ARHGAP26: variants seen among roughly 807,000 people sequenced by gnomAD.
The protein encoded by ARHGAP26 is rho GTPase-activating protein 26.
Under a neutral mutation model 104.8 loss-of-function variants are expected in ARHGAP26, and 38 were observed. The observed-to-expected ratio is 0.36, with a 90% confidence interval of 0.28 to 0.48. The LOEUF (loss-of-function observed/expected upper bound fraction) is 0.48. ARHGAP26 is among the 20% of genes least tolerant of loss of function. The pLI, the probability that ARHGAP26 is intolerant of heterozygous loss-of-function variation, is 0.99. For synonymous variants in ARHGAP26, 341 were observed against 340.0 expected, an observed-to-expected ratio of 1.00 and a Z score of -0.03; for missense variants, 704 against 947.9, an observed-to-expected ratio of 0.74 and a Z score of 3.38.
chr5:142,805,167 A>G (rs1597698115), intron 1 of ARHGAP26, among the ~76,000 whole-genome samples: 2 of 149,712 alleles, frequency 1.3e-5, no homozygotes, highest in East Asian at 2.0e-4. Context: ...CAGTGGCGCA[A>G]TCTCGGCTCA....
chr5:142,974,951 G>C (rs999123669), intron 11 of ARHGAP26, among the ~76,000 whole-genome samples: 1 of 152,058 alleles, frequency 6.6e-6, no homozygotes, highest in Admixed American at 6.6e-5. Context: ...GTGGGAAATG[G>C]CTTTTTCCAT....
At chr5:142,910,078 A>G (rs984513175) in intron 9 of ARHGAP26, among the ~76,000 whole-genome samples, 3 of 152,218 alleles carry the variant, frequency 2.0e-5, no homozygotes, top group African/African-American at 7.2e-5. Context: ...TGGGTGCTAT[A>G]TTAGGACCTT....
chr5:142,797,669 G>C (rs751985339), intron 1 of ARHGAP26, among the ~76,000 whole-genome samples: 1 of 152,166 alleles, frequency 6.6e-6, no homozygotes, highest in Admixed American at 6.5e-5. Context: ...AGCAACCCTC[G>C]TCTGTGATTC....
Position 142,894,339 on chromosome 5 carries a change from T to C in ARHGAP26, c.588T>C (p.Phe196=). 1 of 1,613,492 alleles carries C rather than the reference T, an allele frequency of 6.2e-7. No individual in the cohort carries two copies. Among genetic ancestry groups the C allele is most frequent in the South Asian group, 1.1e-5 (1 of 91,038 alleles). ...QEVQERKMFE[F]VEPLLAFLQG... is the part of the protein sequence containing the mutation. ...TCCAAGAGAGAAAGATGTTTGAGTT[T>C]GTGGAGCCTGTAAGTAGATATTCAG... Residue 196 remains phenylalanine (F), a synonymous_variant, in exon 6 of 23, where the codon TTT becomes TTC. Coordinates refer to ENST00000645722, the MANE Select transcript of ARHGAP26 (RefSeq NM_001135608.3).
intron 17 of ARHGAP26, among the ~76,000 whole-genome samples, chr5:143,060,489 A>C (rs1032022604): frequency 6.6e-6 from 1 of 152,176 alleles, no homozygotes; most frequent in African/African-American, 2.4e-5. Flanking sequence ...AAACCTCTAA[A>C]GCAAATGATT....
rs185379762 is a variant in ARHGAP26 at position 143,094,595 on chromosome 5, T to C, written c.1539-26393T>C. On this transcript the variant is annotated intron_variant, in intron 17 of 22. Coordinates refer to ENST00000645722, the MANE Select transcript of ARHGAP26 (RefSeq NM_001135608.3). The stretch of plus-strand genomic sequence containing the variant: ...AATTCTCAGCAAGGCATGGTACCTC[T>C]GTATAGAAGGATGTGCCCTTACAGA... Among the ~76,000 whole-genome samples the C allele has an allele frequency of 7.2e-5, 11 of 152,356 alleles. No individual in the cohort carries two copies. In the East Asian group the frequency reaches 2.1e-3, roughly 29 times the overall value.
chr5:143,084,144 T>C (rs1790210680), intron 17 of ARHGAP26, among the ~76,000 whole-genome samples: 1 of 152,246 alleles, frequency 6.6e-6, no homozygotes, highest in African/African-American at 2.4e-5. Context: ...TCTGCCTTAA[T>C]GACCCGACTG....
At chr5:143,109,959 CT>C (rs1214726419) in intron 17 of ARHGAP26, among the ~76,000 whole-genome samples, 2 of 152,190 alleles carry the variant, frequency 1.3e-5, no homozygotes, top group East Asian at 3.8e-4. Flanking sequence ...ATGTCTCTGA[CT>C]TTTCCTGATA....
At chr5:142,896,609 C>T (rs75662573) in intron 6 of ARHGAP26, among the ~76,000 whole-genome samples, 2,258 of 152,226 alleles carry the variant, frequency 0.015, 64 homozygotes, top group African/African-American at 0.052. Flanking sequence ...TTCCTTCTTT[C>T]TTGAGAAAAG....
chr5:143,171,801 G>A (rs1471620392), intron 20 of ARHGAP26, among the ~76,000 whole-genome samples: 1 of 152,158 alleles, frequency 6.6e-6, no homozygotes, highest in Non-Finnish European at 1.5e-5. Flanking sequence ...GTGGTAGCAG[G>A]ATGTTTGCAA....
At chr5:143,175,981 G>T (rs1803424096) in intron 20 of ARHGAP26, among the ~76,000 whole-genome samples, 1 of 152,130 alleles carries the variant, frequency 6.6e-6, no homozygotes, top group Non-Finnish European at 1.5e-5. Flanking sequence ...GGGCGTGGTG[G>T]TGTGCCCCTG....
intron 20 of ARHGAP26, among the ~76,000 whole-genome samples, chr5:143,149,998 C>T (rs907664000): frequency 6.6e-6 from 1 of 152,178 alleles, no homozygotes; most frequent in African/African-American, 2.4e-5. Flanking sequence ...TGCTGTATTA[C>T]TAATCTTTCC....
rs750067274 is a variant in ARHGAP26 at position 143,126,012 on chromosome 5, A to G, written c.1698+4865A>G. Among the ~76,000 whole-genome samples the G allele has an allele frequency of 2.0e-5, 3 of 152,228 alleles. No individual in the cohort carries two copies. The East Asian group carries it at 5.8e-4, about 29-fold the overall frequency. On this transcript the variant is annotated intron_variant, in intron 18 of 22. Transcript: ENST00000645722. ...GCAGTAAGCATTTTATTGAATATCT[A>G]CCATTAGCCAAAGATAAGTAAAATA...
intron 1 of ARHGAP26, among the ~76,000 whole-genome samples, chr5:142,869,208 C>CTTTT (rs1262754470): frequency 1.5e-5 from 2 of 137,214 alleles, no homozygotes; most frequent in Non-Finnish European, 3.2e-5. Context: ...TTTCTTTTTT[C>CTTTT]TTTTTTTTTT....
At chr5:142,817,953 C>A (rs779226856) in intron 1 of ARHGAP26, among the ~76,000 whole-genome samples, 1 of 152,140 alleles carries the variant, frequency 6.6e-6, no homozygotes, top group Non-Finnish European at 1.5e-5. Context: ...GTTGTCTTCT[C>A]TGAGCTTTAG....
At chr5:143,039,513 T>G (rs1416246018) in intron 13 of ARHGAP26, among the ~76,000 whole-genome samples, 1 of 148,150 alleles carries the variant, frequency 6.7e-6, no homozygotes, top group Non-Finnish European at 1.5e-5. Flanking sequence ...GGTCTAACTT[T>G]CAACAGGAGT....
intron 17 of ARHGAP26, among the ~76,000 whole-genome samples, chr5:143,115,354 A>C (rs1795301067): frequency 1.8e-5 from 1 of 54,248 alleles, no homozygotes; most frequent in Non-Finnish European, 9.3e-5. Flanking sequence ...ACAACAACAA[A>C]AAACGAAAGA....
intron 12 of ARHGAP26, among the ~76,000 whole-genome samples, chr5:143,019,700 C>A (rs980419263): frequency 2.6e-5 from 4 of 152,178 alleles, no homozygotes; most frequent in African/African-American, 9.7e-5. Flanking sequence ...CAGGCTCTTA[C>A]AGTGTGAGTT....
chr5:143,065,294 A>G (rs1176123208), intron 17 of ARHGAP26, among the ~76,000 whole-genome samples: 1 of 152,028 alleles, frequency 6.6e-6, no homozygotes, highest in Non-Finnish European at 1.5e-5. Context: ...ATTCGCTCAC[A>G]CTGTTTTGGG....
Sources: allele counts gnomAD v4.1 joint callset (sites outside exome capture counted in the v4.1 genomes callset), GRCh38; gene constraint gnomAD v4.1.1; transcripts MANE v1.5; gene names NCBI Gene and HGNC (gene_info 2026-07-23, HGNC 2026-07-21).